GRM3: variants seen among roughly 807,000 people sequenced by gnomAD.
GRM3 encodes glutamate metabotropic receptor 3, also known as metabotropic glutamate receptor 3.
Under a neutral mutation model 70.5 loss-of-function variants are expected in GRM3, and 26 were observed. That is an observed-to-expected ratio of 0.37 (90% CI 0.27 to 0.51). The LOEUF (loss-of-function observed/expected upper bound fraction) is 0.51, where lower values mean the gene tolerates loss of function less well. GRM3 is among the 20% of genes least tolerant of loss of function. The pLI is 0.93. For synonymous variants in GRM3, 443 were observed against 434.9 expected (o/e 1.02, Z -0.23); for missense variants, 859 against 1,123.8 (o/e 0.76, Z 3.37).
chr7:86,854,215 G>C (rs1798806744), intron 5 of GRM3, among the ~76,000 whole-genome samples: 1 of 152,104 alleles, frequency 6.6e-6, no homozygotes. Context: ...ACCCCAACTG[G>C]AAAGTACAGC....
chr7:86,764,950 T>C, intron 1 of GRM3, 56 bp from the exon 2 acceptor site: 1 of 1,273,524 alleles, frequency 7.9e-7, no homozygotes, highest in African/African-American at 1.5e-5. Context: ...GCATGATCGA[T>C]GTAATCACTG....
chr7:86,799,728 A>T lies in GRM3; in HGVS notation c.1324+12612A>T, dbSNP rs532689957. On this transcript the variant is annotated intron_variant, in intron 3 of 5. Coordinates refer to ENST00000361669, the MANE Select transcript of GRM3 (RefSeq NM_000840.3). Reference sequence around the variant, plus strand: ...TTTTTTTTAGTAGAGACAGGGTTTCACTGTGTTAGCCAGGATGGTCTCGAT... The same window carrying T: ...TTTTTTTTAGTAGAGACAGGGTTTCTCTGTGTTAGCCAGGATGGTCTCGAT... Among the ~76,000 whole-genome samples the T allele has an allele frequency of 3.2e-4, 49 of 152,112 alleles. 3 individuals carry two copies. The South Asian group carries it at 1.0e-2, about 31-fold the overall frequency.
intron 1 of GRM3, among the ~76,000 whole-genome samples, chr7:86,692,917 T>C (rs1343933829): frequency 6.6e-6 from 1 of 152,038 alleles, no homozygotes; most frequent in Non-Finnish European, 1.5e-5. Context: ...ACATTTTATT[T>C]TGGAGAGGAG....
intron 5 of GRM3, among the ~76,000 whole-genome samples, chr7:86,853,213 A>G (rs1295904810): frequency 2.6e-5 from 4 of 152,182 alleles, no homozygotes; most frequent in Non-Finnish European, 5.9e-5. Context: ...AGTGCATTAC[A>G]TGTAATAAAG....
At chr7:86,863,001 G>A (rs952205559) in intron 5 of GRM3, among the ~76,000 whole-genome samples, 1 of 152,148 alleles carries the variant, frequency 6.6e-6, no homozygotes, top group Non-Finnish European at 1.5e-5. Context: ...GATCTGGGCT[G>A]TGATCAAGTA....
At chr7:86,684,690 A>G (rs1287572860) in intron 1 of GRM3, among the ~76,000 whole-genome samples, 1 of 152,228 alleles carries the variant, frequency 6.6e-6, no homozygotes, top group Non-Finnish European at 1.5e-5. Context: ...TAGTGTTAAA[A>G]TCGAAAATAT....
chr7:86,711,460 A>T (rs1453563131), intron 1 of GRM3, among the ~76,000 whole-genome samples: 2 of 152,104 alleles, frequency 1.3e-5, no homozygotes, highest in Non-Finnish European at 2.9e-5. Flanking sequence ...CATTTTATAT[A>T]CTTTTCCAGA....
At chr7:86,756,251 G>A (rs147882772) in intron 1 of GRM3, among the ~76,000 whole-genome samples, 1 of 152,160 alleles carries the variant, frequency 6.6e-6, no homozygotes, top group Non-Finnish European at 1.5e-5. Flanking sequence ...GCTAATTTTT[G>A]TATTTTTAGT....
intron 1 of GRM3, among the ~76,000 whole-genome samples, chr7:86,691,218 C>A (rs1794689437): frequency 6.6e-6 from 1 of 152,088 alleles, no homozygotes; most frequent in Non-Finnish European, 1.5e-5. Flanking sequence ...TACAACCTGC[C>A]CAGGTCATCT....
intron 3 of GRM3, among the ~76,000 whole-genome samples, chr7:86,801,718 A>G (rs1455129537): frequency 6.6e-6 from 1 of 152,196 alleles, no homozygotes; most frequent in African/African-American, 2.4e-5. Flanking sequence ...TAAGAGAGCT[A>G]TAAGTTGCAT....
At chr7:86,724,956 C>T (rs1406258382) in intron 1 of GRM3, among the ~76,000 whole-genome samples, 1 of 152,014 alleles carries the variant, frequency 6.6e-6, no homozygotes, top group Non-Finnish European at 1.5e-5. Flanking sequence ...CAAAAAAAAT[C>T]TCCTGAGGTT....
At chr7:86,809,238 G>A (rs1797862801) in intron 3 of GRM3, among the ~76,000 whole-genome samples, 1 of 151,998 alleles carries the variant, frequency 6.6e-6, no homozygotes, top group South Asian at 2.1e-4. Context: ...TACTTCTCAT[G>A]TTAAATTGTA....
chr7:86,766,260 A>G (rs187371553), intron 2 of GRM3, among the ~76,000 whole-genome samples: 265 of 152,086 alleles, frequency 1.7e-3, no homozygotes, highest in African/African-American at 6.1e-3. Flanking sequence ...ATGTCATGGA[A>G]CTCCATTATT....
intron 4 of GRM3, among the ~76,000 whole-genome samples, chr7:86,845,888 C>T (rs1291458777): frequency 6.6e-6 from 1 of 152,162 alleles, no homozygotes; most frequent in African/African-American, 2.4e-5. Flanking sequence ...ACTAAGAAGC[C>T]AGAGCCTATA....
intron 1 of GRM3, among the ~76,000 whole-genome samples, chr7:86,674,155 G>C (rs1032994160): frequency 2.0e-5 from 3 of 152,078 alleles, no homozygotes; most frequent in Non-Finnish European, 2.9e-5. Flanking sequence ...TACTGGCTCA[G>C]GTCTCTCCAA....
intron 2 of GRM3, among the ~76,000 whole-genome samples, chr7:86,770,961 C>T (rs1796723848): frequency 6.6e-6 from 1 of 152,056 alleles, no homozygotes; most frequent in African/African-American, 2.4e-5. Context: ...CCATGAGATG[C>T]CACCAGCACC....
chr7:86,814,096 C>T (rs1378359432), intron 3 of GRM3, among the ~76,000 whole-genome samples: 2 of 151,728 alleles, frequency 1.3e-5, no homozygotes, highest in South Asian at 2.1e-4. Flanking sequence ...GAGAAGACAC[C>T]GATTCTTCAT....
chr7:86,718,768 T>C (rs1421405113), intron 1 of GRM3, among the ~76,000 whole-genome samples: 2 of 151,966 alleles, frequency 1.3e-5, no homozygotes, highest in Admixed American at 1.3e-4. Context: ...CCTCAAAACC[T>C]TGGCATTGTA....
intron 1 of GRM3, among the ~76,000 whole-genome samples, chr7:86,759,404 T>A (rs895856135): frequency 1.3e-5 from 2 of 152,168 alleles, no homozygotes; most frequent in African/African-American, 4.8e-5. Context: ...AAATGACAGA[T>A]CTTTTTAGCA....
Sources: allele counts gnomAD v4.1 joint callset (sites outside exome capture counted in the v4.1 genomes callset), GRCh38; gene constraint gnomAD v4.1.1; transcripts MANE v1.5; gene names NCBI Gene and HGNC (gene_info 2026-07-23, HGNC 2026-07-21).